GHR: variants seen among roughly 807,000 people sequenced by gnomAD.
GHR encodes GH receptor.
A neutral mutation model predicts 67.1 loss-of-function variants in GHR; 35 were observed. The ratio of observed to expected loss-of-function variants is 0.52; its 90% CI spans 0.40 to 0.69. The LOEUF (loss-of-function observed/expected upper bound fraction) is 0.69. GHR is among the 30% of genes least tolerant of loss of function. The probability of loss-of-function intolerance (pLI) is 0.00; values close to 1 mark genes in which losing one functional copy is unlikely to be tolerated. For synonymous variants in GHR, 272 were observed against 269.1 expected, an observed-to-expected ratio of 1.01 and a Z score of -0.10; for missense variants, 792 against 764.6, an observed-to-expected ratio of 1.04 and a Z score of -0.42.
In GHR at chr5:42,465,955, T is replaced by C. The variant is rs541412498; in HGVS notation, c.-12+42000T>C. On this transcript the variant is annotated intron_variant, in intron 1 of 9. Coordinates refer to ENST00000230882, the MANE Select transcript of GHR (RefSeq NM_000163.5). Reference sequence around the variant, plus strand: ...CTGGTCTTCTATCAGTTATTTTCCCTTCACCGTGAAGTTGTTGAGCAGGTC... The same window carrying C: ...CTGGTCTTCTATCAGTTATTTTCCCCTCACCGTGAAGTTGTTGAGCAGGTC... 6.2e-5 allele frequency: 42 copies of C among 673,860 alleles called. No homozygotes were observed. In the Admixed American group the frequency reaches 9.8e-4, roughly 16 times the overall value. The allele number at this position is 673,860 out of a possible 1,614,324, so 41.7% of individuals were successfully genotyped here.
intron 1 of GHR, among the ~76,000 whole-genome samples, chr5:42,542,561 G>T (rs1355222230): frequency 6.6e-6 from 1 of 152,114 alleles, no homozygotes; most frequent in Non-Finnish European, 1.5e-5. Flanking sequence ...GATAATTTTA[G>T]TGCACACTTA....
At chr5:42,672,969 A>G (rs1394192076) in intron 3 of GHR, among the ~76,000 whole-genome samples, 2 of 152,182 alleles carry the variant, frequency 1.3e-5, no homozygotes, top group African/African-American at 2.4e-5. Context: ...CCAGCAACAG[A>G]GTAAACAGCC....
intron 1 of GHR, among the ~76,000 whole-genome samples, chr5:42,492,002 G>A (rs377307933): frequency 8.5e-5 from 13 of 152,358 alleles, no homozygotes; most frequent in African/African-American, 3.1e-4. Flanking sequence ...GCTGGAATAA[G>A]AGATAAATCT....
At chr5:42,680,587 T>A (rs530784707) in intron 3 of GHR, among the ~76,000 whole-genome samples, 1 of 152,154 alleles carries the variant, frequency 6.6e-6, no homozygotes, top group East Asian at 1.9e-4. Context: ...CACTGCAACT[T>A]CCGACTCCCA....
chr5:42,514,292 A>T lies in GHR; in HGVS notation c.-11-51572A>T, dbSNP rs910566085. Reference sequence around the variant, plus strand: ...CCTCTTTGGATTGGCAGACCCAGGGAGTCCATATTGGGAAGATAAATTCAC... The same window carrying T: ...CCTCTTTGGATTGGCAGACCCAGGGTGTCCATATTGGGAAGATAAATTCAC... On this transcript the variant is annotated intron_variant, in intron 1 of 9. Transcript: ENST00000230882. 1.4e-5 allele frequency: 14 copies of T among 984,178 alleles called. No homozygotes were observed. The Admixed American group carries it at 8.6e-4, about 61-fold the overall frequency. 61.0% of individuals were successfully genotyped at this position (984,178 alleles called of 1,614,324 possible).
At chr5:42,581,892 G>T (rs1241065336) in intron 2 of GHR, among the ~76,000 whole-genome samples, 1 of 152,220 alleles carries the variant, frequency 6.6e-6, no homozygotes, top group Non-Finnish European at 1.5e-5. Context: ...CCCTGCTCCT[G>T]CAGGCTTGGA....
At chr5:42,612,595 T>A (rs1382071854) in intron 2 of GHR, among the ~76,000 whole-genome samples, 1 of 152,156 alleles carries the variant, frequency 6.6e-6, no homozygotes, top group African/African-American at 2.4e-5. Flanking sequence ...TACTGATTTT[T>A]ACAGTTTGTA....
intron 1 of GHR, among the ~76,000 whole-genome samples, chr5:42,506,153 C>T (rs1182435084): frequency 6.6e-6 from 1 of 152,144 alleles, no homozygotes. Flanking sequence ...ATAACCTTGT[C>T]TTGTTTCCTA....
chr5:42,699,781 A>G, intron 5 of GHR, 43 bp from the exon 6 acceptor site: 1 of 1,319,468 alleles, frequency 7.6e-7, no homozygotes, highest in Non-Finnish European at 1.1e-6. Flanking sequence ...ATTAATATTA[A>G]ATTGTGTCTG....
chr5:42,652,897 T>G (rs1410559581), intron 3 of GHR, among the ~76,000 whole-genome samples: 1 of 151,996 alleles, frequency 6.6e-6, no homozygotes, highest in Non-Finnish European at 1.5e-5. Flanking sequence ...CAGTGCCTCT[T>G]TACATCCTCC....
At chr5:42,699,742 A>G (rs1757839478) in intron 5 of GHR, 82 bp from the exon 6 acceptor site, 12 of 871,066 alleles carry the variant, frequency 1.4e-5, no homozygotes, top group Non-Finnish European at 2.2e-5. Flanking sequence ...TGTAGAAAGT[A>G]ATTTGGTCTT....
At chr5:42,546,345 A>C (rs1286175130) in intron 1 of GHR, among the ~76,000 whole-genome samples, 1 of 152,152 alleles carries the variant, frequency 6.6e-6, no homozygotes, top group African/African-American at 2.4e-5. Context: ...TGAGTCTCAG[A>C]CATGTTCCAC....
chr5:42,424,572 G>T lies in GHR; in HGVS notation c.-12+617G>T. 6.5e-7 allele frequency: 1 copy of T among 1,534,534 alleles called. No individual in the cohort carries two copies. Among genetic ancestry groups the T allele is most frequent in the Non-Finnish European group, 8.7e-7 (1 of 1,145,916 alleles). Reference sequence around the variant, plus strand: ...CCGATGGAACTGGGGTCAGTAGAGTGACAGCCACCAGTCCGCATGAACTGG... The same window carrying T: ...CCGATGGAACTGGGGTCAGTAGAGTTACAGCCACCAGTCCGCATGAACTGG... On this transcript the variant is annotated intron_variant, in intron 1 of 9. Coordinates refer to ENST00000230882, the MANE Select transcript of GHR (RefSeq NM_000163.5). The surrounding 1 kb of genome is among the most constrained non-coding windows in gnomAD (Gnocchi z 4.1).
chr5:42,476,227 T>C (rs760188822), intron 1 of GHR, among the ~76,000 whole-genome samples: 3 of 148,370 alleles, frequency 2.0e-5, no homozygotes, highest in Admixed American at 6.8e-5. Context: ...TTGTTTTTGT[T>C]TTTGTTTTTT....
At chr5:42,681,405 G>T (rs1162176752) in intron 3 of GHR, among the ~76,000 whole-genome samples, 2 of 152,140 alleles carry the variant, frequency 1.3e-5, no homozygotes, top group Admixed American at 6.6e-5. Flanking sequence ...AAACCACAAT[G>T]AGATACCATT....
chr5:42,658,436 T>A (rs1324896956), intron 3 of GHR, among the ~76,000 whole-genome samples: 2 of 152,188 alleles, frequency 1.3e-5, no homozygotes, highest in African/African-American at 4.8e-5. Context: ...ACAGAAGAGT[T>A]GTGAAGATGG....
At chr5:42,636,007 G>A (rs1489944767) in intron 3 of GHR, among the ~76,000 whole-genome samples, 2 of 151,920 alleles carry the variant, frequency 1.3e-5, no homozygotes, top group South Asian at 2.1e-4. Flanking sequence ...TCAGGAGATG[G>A]AGACCATCAT....
intron 2 of GHR, among the ~76,000 whole-genome samples, chr5:42,592,896 A>G (rs1580008941): frequency 6.6e-6 from 1 of 152,332 alleles, no homozygotes; most frequent in East Asian, 1.9e-4. Context: ...CAACCTTGCC[A>G]GCATCTGTTA....
At chr5:42,448,757 ATGATTTCAGGTTCTAGATTT>A (rs1743925727) in intron 1 of GHR, among the ~76,000 whole-genome samples, 1 of 152,012 alleles carries the variant, frequency 6.6e-6, no homozygotes, top group African/African-American at 2.4e-5. Flanking sequence ...TAGAATTTTA[ATGATTTCAGGTTCTAGATTT>A]ACATCTTTGG....
Sources: allele counts gnomAD v4.1 joint callset (sites outside exome capture counted in the v4.1 genomes callset), GRCh38; gene constraint gnomAD v4.1.1; non-coding constraint Gnocchi (gnomAD v3.1); transcripts MANE v1.5; gene names NCBI Gene and HGNC (gene_info 2026-07-23, HGNC 2026-07-21).